The following GOLPH3 variants were observed in gnomAD, a reference collection of about 807,000 sequenced individuals.
GOLPH3 encodes the protein coat protein GPP34.
A neutral mutation model predicts 28.5 loss-of-function variants in GOLPH3; 14 were observed. The ratio of observed to expected loss-of-function variants is 0.49; its 90% CI spans 0.32 to 0.77. GOLPH3 has a LOEUF of 0.77. Among genes scored for constraint, GOLPH3 ranks in the 30% least tolerant of loss-of-function variants. The pLI is 0.03. For synonymous variants in GOLPH3, 158 were observed against 159.2 expected, an observed-to-expected ratio of 0.99 and a Z score of 0.06; for missense variants, 350 against 393.7, an observed-to-expected ratio of 0.89 and a Z score of 0.94.
At chr5:32,143,393 T>C (rs999787983) in intron 2 of GOLPH3, among the ~76,000 whole-genome samples, 17 of 151,698 alleles carry the variant, frequency 1.1e-4, no homozygotes, top group African/African-American at 4.1e-4. Flanking sequence ...CCTCCACTAT[T>C]GTCCTGTGAC....
chr5:32,143,885 T>TA lies in GOLPH3; in HGVS notation c.226-6dup. The TA allele has an allele frequency of 4.7e-6, 7 of 1,504,870 alleles. No homozygotes were observed. The highest frequency in any genetic ancestry group is 6.2e-6 in the Non-Finnish European group (7 of 1,130,838). The allele number at this position is 1,504,870 out of a possible 1,614,324, so 93.2% of individuals were successfully genotyped here. ...ATTCCAAAATGATGTGTAACCCTATTAAAAAAAGAAGAAGAAATAAAACAA... is the reference window on the plus strand; with the variant it reads ...ATTCCAAAATGATGTGTAACCCTATTAAAAAAAAGAAGAAGAAATAAAACAA... On this transcript the variant is annotated splice_polypyrimidine_tract_variant and splice_region_variant and intron_variant, in intron 1 of 3. Coordinates refer to ENST00000265070, the MANE Select transcript of GOLPH3 (RefSeq NM_022130.4).
Position 32,126,143 on chromosome 5 carries a change from C to T in GOLPH3, c.*69G>A, listed in dbSNP as rs1173415969. ...GTGGGAAAGTACAAATTACAGAAAA[C>T]CAGAAGTCAACAGAAGAAAAACTAC... On this transcript the variant is annotated 3_prime_UTR_variant, in exon 4 of 4. Coordinates refer to ENST00000265070, the MANE Select transcript of GOLPH3 (RefSeq NM_022130.4). The T allele has an allele frequency of 2.7e-6, 4 of 1,458,944 alleles. No individual in the cohort carries two copies. In the African/African-American group the frequency reaches 5.7e-5, roughly 21 times the overall value. 90.4% of individuals were successfully genotyped at this position (1,458,944 alleles called of 1,614,324 possible). A position where few individuals can be genotyped will look rare whatever the true frequency, so the allele number is the denominator to read the frequency against.
At chr5:32,139,392 C>T (rs933453560) in intron 2 of GOLPH3, among the ~76,000 whole-genome samples, 2 of 152,290 alleles carry the variant, frequency 1.3e-5, no homozygotes, top group South Asian at 2.1e-4. Context: ...AGTCCTAGAA[C>T]CAATCGCCCA....
chr5:32,174,150 C>T lies in GOLPH3; in HGVS notation c.-116G>A. ...TCCGTGTTAAATCCGGACGCCGGGGCGACGTCCGTCGGCAGCAGGGCCGGG... is the reference window on the plus strand; with the variant it reads ...TCCGTGTTAAATCCGGACGCCGGGGTGACGTCCGTCGGCAGCAGGGCCGGG... On this transcript the variant is annotated 5_prime_UTR_variant, in exon 1 of 4. Coordinates refer to ENST00000265070, the MANE Select transcript of GOLPH3 (RefSeq NM_022130.4). 2 of 622,924 alleles carry T rather than the reference C, an allele frequency of 3.2e-6. No homozygotes were observed. Among genetic ancestry groups the T allele is most frequent in the Non-Finnish European group, 4.6e-6 (2 of 435,270 alleles). 38.6% of individuals were successfully genotyped at this position (622,924 alleles called of 1,614,324 possible). A position where few individuals can be genotyped will look rare whatever the true frequency, so the allele number is the denominator to read the frequency against.
chr5:32,172,354 G>T (rs554442633), intron 1 of GOLPH3, among the ~76,000 whole-genome samples: 3 of 149,942 alleles, frequency 2.0e-5, no homozygotes, highest in African/African-American at 2.4e-5. Flanking sequence ...ACGTTGTTTT[G>T]TAAGACTTTT....
chr5:32,155,250 A>C (rs992827929), intron 1 of GOLPH3, among the ~76,000 whole-genome samples: 3 of 152,154 alleles, frequency 2.0e-5, no homozygotes, highest in Admixed American at 6.5e-5. Context: ...CAGTGGCTTG[A>C]TCATAGCTCA....
intron 3 of GOLPH3, among the ~76,000 whole-genome samples, 169 bp downstream of exon 3, chr5:32,135,403 G>T (rs1028965801): frequency 5.3e-5 from 8 of 152,192 alleles, no homozygotes; most frequent in Admixed American, 5.2e-4. Context: ...TAAAGAGAAT[G>T]AAATTTTATA....
At chr5:32,137,675 A>G (rs1745966105) in intron 2 of GOLPH3, among the ~76,000 whole-genome samples, 2 of 152,116 alleles carry the variant, frequency 1.3e-5, no homozygotes, top group African/African-American at 4.8e-5. Context: ...AGAAAGCTAC[A>G]TTGAGATATA....
At chr5:32,140,665 G>GAA (rs11352127) in intron 2 of GOLPH3, among the ~76,000 whole-genome samples, 5 of 117,060 alleles carry the variant, frequency 4.3e-5, no homozygotes, top group Non-Finnish European at 5.6e-5. Flanking sequence ...CTCAGTCTCA[G>GAA]AAAAAAAAAA....
chr5:32,166,389 G>A (rs926449033), intron 1 of GOLPH3, among the ~76,000 whole-genome samples: 2 of 152,264 alleles, frequency 1.3e-5, no homozygotes, highest in East Asian at 1.9e-4. Context: ...AGATTACATT[G>A]TAATACTGTA....
At chr5:32,145,170 G>C (rs999061272) in intron 1 of GOLPH3, among the ~76,000 whole-genome samples, 7 of 152,180 alleles carry the variant, frequency 4.6e-5, no homozygotes, top group Non-Finnish European at 8.8e-5. Flanking sequence ...GATACAAGGA[G>C]TTAAATTCGC....
chr5:32,169,024 T>G (rs945626256), intron 1 of GOLPH3, among the ~76,000 whole-genome samples: 1 of 150,858 alleles, frequency 6.6e-6, no homozygotes, highest in Non-Finnish European at 1.5e-5. Flanking sequence ...CTCTAATACC[T>G]GCACTTTGGG....
intron 1 of GOLPH3, among the ~76,000 whole-genome samples, chr5:32,159,950 T>C (rs919399383): frequency 6.6e-6 from 1 of 152,210 alleles, no homozygotes; most frequent in Non-Finnish European, 1.5e-5. Flanking sequence ...ACAAGTCCTA[T>C]GTAAGTTTTA....
chr5:32,128,338 T>C (rs537498151), intron 3 of GOLPH3, among the ~76,000 whole-genome samples: 22 of 152,262 alleles, frequency 1.4e-4, no homozygotes, highest in African/African-American at 3.9e-4. Flanking sequence ...TCCTAGAGTA[T>C]AGACCACCCT....
intron 1 of GOLPH3, among the ~76,000 whole-genome samples, chr5:32,160,499 AAT>A (rs1165900029): frequency 6.6e-6 from 1 of 152,232 alleles, no homozygotes; most frequent in African/African-American, 2.4e-5. Flanking sequence ...AGGAAGAAAT[AAT>A]AATTACAATT....
chr5:32,127,931 C>T (rs555945581), intron 3 of GOLPH3, among the ~76,000 whole-genome samples: 22 of 152,130 alleles, frequency 1.4e-4, no homozygotes, highest in Admixed American at 8.5e-4. Context: ...CACCTAGAGG[C>T]ACGTCCCAGG....
At chr5:32,129,333 T>C (rs1217413790) in intron 3 of GOLPH3, among the ~76,000 whole-genome samples, 1 of 152,208 alleles carries the variant, frequency 6.6e-6, no homozygotes, top group African/African-American at 2.4e-5. Flanking sequence ...GGATTAAATA[T>C]CAAGTTCTTA....
chr5:32,143,870 G>T lies in GOLPH3; in HGVS notation c.236C>A (p.Ser79Ter). Residue 79 changes from serine (S) to a stop codon, truncating the protein, a stop_gained, in exon 2 of 4, where the codon TCA (serine) becomes TAA (stop). Coordinates refer to ENST00000265070, the MANE Select transcript of GOLPH3 (RefSeq NM_022130.4). LOFTEE classifies it high-confidence loss of function. The stretch of plus-strand genomic sequence containing the variant: ...AGATGATATACAGTCATTCCAAAAT[G>T]ATGTGTAACCCTATTAAAAAAAGAA... ...LGLKDREGYT[S>*]FWNDCISSGL... is the part of the protein sequence containing the mutation. The T allele has an allele frequency of 6.4e-7, 1 of 1,562,350 alleles. No homozygotes were observed. Among genetic ancestry groups the T allele is most frequent in the Non-Finnish European group, 8.6e-7 (1 of 1,157,526 alleles).
chr5:32,163,107 T>G (rs1252922034), intron 1 of GOLPH3, among the ~76,000 whole-genome samples: 1 of 152,076 alleles, frequency 6.6e-6, no homozygotes, highest in African/African-American at 2.4e-5. Context: ...GTAGGCCCAT[T>G]TTGCCCAGGA....
Sources: gnomAD v4.1 joint callset for allele counts (sites outside exome capture counted in the v4.1 genomes callset) on GRCh38, gnomAD v4.1.1 for gene constraint, MANE v1.5 for transcripts, NCBI Gene and HGNC (gene_info 2026-07-23, HGNC 2026-07-21) for gene names.